Variants in ANKRD11 observed in about 807,000 individuals in gnomAD.
ANKRD11 encodes the protein ankyrin repeat domain 11, also known as ankyrin repeat domain-containing protein 11.
ANKRD11 carries 17 observed loss-of-function variants against 195.7 expected under a neutral mutation model. The ratio of observed to expected loss-of-function variants is 0.09; its 90% CI spans 0.06 to 0.13. The LOEUF (loss-of-function observed/expected upper bound fraction) is 0.13. Among genes scored for constraint, ANKRD11 ranks in the 10% least tolerant of loss-of-function variants. ANKRD11 has a pLI of 1.00. For synonymous variants in ANKRD11, 1,953 were observed against 1,528.1 expected (o/e 1.28, Z -6.49); for missense variants, 3,735 against 3,566.1 (o/e 1.05, Z -1.21).
At chr16:89,386,438 G>A (rs548017522) in intron 2 of ANKRD11, among the ~76,000 whole-genome samples, 2 of 152,272 alleles carry the variant, frequency 1.3e-5, no homozygotes, top group South Asian at 2.1e-4. Flanking sequence ...CCAGCCACTG[G>A]TCCCTAGCAA....
At position 89,318,000 on chromosome 16, in the gene ANKRD11, C is replaced by G. The variant is rs543498414; in HGVS notation, c.-59-922G>C. Among the ~76,000 whole-genome samples the G allele has an allele frequency of 7.2e-5, 11 of 152,276 alleles. No homozygotes were observed. The East Asian group carries it at 2.1e-3, about 29-fold the overall frequency. ...CAGCACAAAGCCTGCAAGAACTTTC[C>G]GAAGCAGCCACTCCCGAACTATTTG... On this transcript the variant is annotated intron_variant, in intron 2 of 12. Transcript: ENST00000301030.
intron 1 of ANKRD11, among the ~76,000 whole-genome samples, chr16:89,478,776 A>G (rs2057343385): frequency 6.6e-6 from 1 of 152,154 alleles, no homozygotes; most frequent in Admixed American, 6.5e-5. Context: ...CTTAATGCAA[A>G]TTCCTTATTC....
chr16:89,362,399 A>G (rs982998430), intron 2 of ANKRD11, among the ~76,000 whole-genome samples: 7 of 152,182 alleles, frequency 4.6e-5, no homozygotes, highest in Non-Finnish European at 1.0e-4. Flanking sequence ...AGAGTGCACG[A>G]AAGTTCCATC....
intron 2 of ANKRD11, among the ~76,000 whole-genome samples, chr16:89,369,975 G>A (rs773627965): frequency 7.2e-5 from 11 of 152,188 alleles, no homozygotes; most frequent in Non-Finnish European, 1.3e-4. Context: ...GCTGCAGGAT[G>A]GAAGCTCAGA....
At chr16:89,270,426 T>C (rs1378505516) in intron 12 of ANKRD11, 3 of 354,890 alleles carry the variant, frequency 8.5e-6, no homozygotes, top group Non-Finnish European at 1.7e-5. Context: ...GATAAGGGTG[T>C]GCTGCCCTTC....
chr16:89,344,853 A>C (rs774842890), intron 2 of ANKRD11, among the ~76,000 whole-genome samples: 23 of 152,310 alleles, frequency 1.5e-4, no homozygotes, highest in Admixed American at 3.9e-4. Context: ...CCACCTTCCA[A>C]GTTTTCTCTT....
At chr16:89,389,856 G>A (rs1331335014) in intron 2 of ANKRD11, among the ~76,000 whole-genome samples, 1 of 142,722 alleles carries the variant, frequency 7.0e-6, no homozygotes, top group Admixed American at 6.9e-5. Flanking sequence ...GGAGCACCGA[G>A]AGAAAGAAGA....
chr16:89,277,573 G>A (rs929613982), intron 9 of ANKRD11: 11 of 152,318 alleles, frequency 7.2e-5, no homozygotes, highest in African/African-American at 2.7e-4. Context: ...TTACTGAGGA[G>A]AGATCCTGGG....
At chr16:89,274,488 C>G (rs1255410469) in intron 11 of ANKRD11, among the ~76,000 whole-genome samples, 1 of 152,140 alleles carries the variant, frequency 6.6e-6, no homozygotes. Flanking sequence ...GAAAATAATG[C>G]CAGCGCTGAC....
At chr16:89,356,497 C>A (rs1212543436) in intron 2 of ANKRD11, among the ~76,000 whole-genome samples, 1 of 151,576 alleles carries the variant, frequency 6.6e-6, no homozygotes, top group Non-Finnish European at 1.5e-5. Context: ...CAGGGCCAGG[C>A]GCGGTGGCTC....
At chr16:89,341,201 C>T (rs2038638306) in intron 2 of ANKRD11, among the ~76,000 whole-genome samples, 1 of 152,198 alleles carries the variant, frequency 6.6e-6, no homozygotes, top group Non-Finnish European at 1.5e-5. Flanking sequence ...TGGGTGAGAT[C>T]CGCGGAGAAG....
At chr16:89,421,149 C>T (rs1032213223) in intron 1 of ANKRD11, among the ~76,000 whole-genome samples, 17 of 145,618 alleles carry the variant, frequency 1.2e-4, no homozygotes, top group Admixed American at 4.1e-4. Context: ...TGTGTGATGA[C>T]GGAGTCAGGG....
At chr16:89,386,507 G>A (rs569690882) in intron 2 of ANKRD11, among the ~76,000 whole-genome samples, 2 of 152,320 alleles carry the variant, frequency 1.3e-5, no homozygotes, top group East Asian at 3.9e-4. Flanking sequence ...CAGCATGAGG[G>A]TGTGGGGGAA....
At chr16:89,440,117 C>G (rs2043382486) in intron 1 of ANKRD11, among the ~76,000 whole-genome samples, 1 of 152,204 alleles carries the variant, frequency 6.6e-6, no homozygotes, top group Admixed American at 6.5e-5. Flanking sequence ...CAGTGCTCAC[C>G]CGCAACCATT....
intron 2 of ANKRD11, among the ~76,000 whole-genome samples, chr16:89,396,791 G>A (rs1370435842): frequency 1.3e-5 from 2 of 152,078 alleles, no homozygotes; most frequent in African/African-American, 2.4e-5. Context: ...GGTTCACGCC[G>A]TTCTCCTGCC....
intron 11 of ANKRD11, chr16:89,273,103 G>A (rs560533556): frequency 6.7e-6 from 1 of 150,246 alleles, no homozygotes; most frequent in Non-Finnish European, 1.5e-5. Context: ...CAGCACAATA[G>A]GGTAACTGTA....
chr16:89,440,254 T>C (rs760285479), intron 1 of ANKRD11, among the ~76,000 whole-genome samples: 2 of 152,084 alleles, frequency 1.3e-5, no homozygotes, highest in African/African-American at 2.4e-5. Flanking sequence ...TCACGTAAAA[T>C]GTACATGTTC....
chr16:89,337,069 C>G (rs2038399865), intron 2 of ANKRD11, among the ~76,000 whole-genome samples: 1 of 150,418 alleles, frequency 6.6e-6, no homozygotes, highest in Admixed American at 6.6e-5. Context: ...ACCTGCAGTC[C>G]CAGCTATTTG....
At chr16:89,388,027 A>C (rs1363329982) in intron 2 of ANKRD11, among the ~76,000 whole-genome samples, 1 of 151,808 alleles carries the variant, frequency 6.6e-6, no homozygotes, top group African/African-American at 2.4e-5. Context: ...AAAAAAAAAA[A>C]GGACTGTGCT....
Sources: allele counts gnomAD v4.1 joint callset (sites outside exome capture counted in the v4.1 genomes callset), GRCh38; gene constraint gnomAD v4.1.1; transcripts MANE v1.5; gene names NCBI Gene and HGNC (gene_info 2026-07-23, HGNC 2026-07-21).